LMO7: variants seen among roughly 807,000 people sequenced by gnomAD.
The protein encoded by LMO7 is LIM domain 7, also known as LIM domain only protein 7.
A neutral mutation model predicts 206.5 loss-of-function variants in LMO7; 120 were observed. That is an observed-to-expected ratio of 0.58 (90% CI 0.50 to 0.68). The LOEUF (loss-of-function observed/expected upper bound fraction) is 0.68. LMO7 is among the 30% of genes least tolerant of loss of function. LMO7 has a pLI of 0.00. For missense variants in LMO7, 1,959 were observed against 1,957.9 expected (o/e 1.00, Z -0.01); for synonymous variants, 706 against 681.5 (o/e 1.04, Z -0.56).
At chr13:75,775,524 TA>T (rs1239938071) in intron 4 of LMO7, among the ~76,000 whole-genome samples, 1 of 151,090 alleles carries the variant, frequency 6.6e-6, no homozygotes, top group Non-Finnish European at 1.5e-5. Context: ...AATAATAGAG[TA>T]AATGTATAAT....
chr13:75,766,421 C>T (rs2048894092), intron 4 of LMO7, among the ~76,000 whole-genome samples: 2 of 151,892 alleles, frequency 1.3e-5, no homozygotes, highest in South Asian at 4.2e-4. Flanking sequence ...GGCACTTCAT[C>T]CAGTAAGAGG....
rs2055421805 is a variant in LMO7, at chr13:75,806,058, T to C, written c.1196+298T>C. 6 of 1,138,812 alleles carry C rather than the reference T, an allele frequency of 5.3e-6. 1 individual carries two copies. In the South Asian group the frequency reaches 8.6e-5, roughly 16 times the overall value. The allele number at this position is 1,138,812 out of a possible 1,614,324, so 70.5% of individuals were successfully genotyped here. On this transcript the variant is annotated intron_variant, in intron 9 of 30. Transcript: ENST00000377534. ...CTTCTTTTCTTCATGTCACTCACAG[T>C]AGAAGGAATTCAGACTCTGAGGATG... is the stretch of plus-strand genomic sequence containing the variant.
intron 4 of LMO7, among the ~76,000 whole-genome samples, chr13:75,764,611 A>G (rs928456396): frequency 1.3e-5 from 2 of 152,160 alleles, no homozygotes; most frequent in Non-Finnish European, 2.9e-5. Context: ...TTTAACCATT[A>G]AAGGTTTTAA....
chr13:75,648,041 G>T (rs2037210333), intron 1 of LMO7, among the ~76,000 whole-genome samples: 1 of 135,282 alleles, frequency 7.4e-6, no homozygotes, highest in African/African-American at 2.7e-5. Context: ...TTGAATTCCT[G>T]GGCTCAACTG....
chr13:75,792,815 C>A (rs1469973205), intron 4 of LMO7, among the ~76,000 whole-genome samples: 2 of 152,112 alleles, frequency 1.3e-5, no homozygotes, highest in African/African-American at 4.8e-5. Flanking sequence ...TGTATCATGT[C>A]CAAGAGCATG....
intron 1 of LMO7, among the ~76,000 whole-genome samples, chr13:75,669,370 ACCCCCCCG>A (rs1218777677): frequency 6.6e-6 from 1 of 150,784 alleles, no homozygotes; most frequent in Non-Finnish European, 1.5e-5. Flanking sequence ...CAGAAAAGTG[ACCCCCCCG>A]CCGCCCCGCC....
chr13:75,680,816 C>T (rs986701153), intron 1 of LMO7, among the ~76,000 whole-genome samples: 7 of 151,974 alleles, frequency 4.6e-5, no homozygotes, highest in South Asian at 2.1e-4. Context: ...TGAGAACATA[C>T]GGTGTTAGGT....
Position 75,811,214 on chromosome 13 carries a change from T to A in LMO7, c.1946+2031T>A, listed in dbSNP as rs539065869. 1.9e-4 allele frequency among the ~76,000 whole-genome samples: 29 copies of A among 150,320 alleles called. 1 individual carries two copies. The highest frequency in any genetic ancestry group is 7.0e-4 in the African/African-American group (29 of 41,192). On this transcript the variant is annotated intron_variant, in intron 11 of 30. Coordinates refer to ENST00000377534, the MANE Select transcript of LMO7 (RefSeq NM_001306080.2). ...TCTTTCTTTTTTTCTTTCTCTTTTT[T>A]TTTTTTTTTTTTAAGAGATGGAGTC...
intron 4 of LMO7, among the ~76,000 whole-genome samples, chr13:75,780,478 T>C (rs2051160546): frequency 3.3e-5 from 5 of 152,218 alleles, no homozygotes; most frequent in South Asian, 4.1e-4. Flanking sequence ...AGTCAGACTT[T>C]ATGGTTATCT....
chr13:75,699,208 G>A (rs1180290714), intron 1 of LMO7, among the ~76,000 whole-genome samples: 1 of 152,146 alleles, frequency 6.6e-6, no homozygotes, highest in Non-Finnish European at 1.5e-5. Flanking sequence ...GTAGGTGCCT[G>A]AAACTGAGGA....
intron 4 of LMO7, among the ~76,000 whole-genome samples, chr13:75,786,676 C>A (rs932155531): frequency 6.6e-6 from 1 of 152,124 alleles, no homozygotes; most frequent in Non-Finnish European, 1.5e-5. Context: ...TGAGCCACCG[C>A]GCCCGGCCTC....
chr13:75,724,641 A>C (rs2044311097), intron 2 of LMO7, among the ~76,000 whole-genome samples: 2 of 152,140 alleles, frequency 1.3e-5, no homozygotes, highest in South Asian at 4.1e-4. Context: ...GGCAGACTTA[A>C]ATTTCACAGA....
At chr13:75,704,127 G>A (rs969577199) in intron 1 of LMO7, among the ~76,000 whole-genome samples, 17 of 152,190 alleles carry the variant, frequency 1.1e-4, no homozygotes, top group Non-Finnish European at 2.1e-4. Flanking sequence ...CAGCTTTAGA[G>A]AAGGCATCCA....
chr13:75,651,905 CTACT>C (rs943633691), intron 1 of LMO7, among the ~76,000 whole-genome samples: 1 of 152,096 alleles, frequency 6.6e-6, no homozygotes, highest in African/African-American at 2.4e-5. Flanking sequence ...CTAAATATTT[CTACT>C]TACTTGTCAT....
At chr13:75,811,314 G>A (rs2056372579) in intron 11 of LMO7, among the ~76,000 whole-genome samples, 1 of 150,788 alleles carries the variant, frequency 6.6e-6, no homozygotes, top group Admixed American at 6.6e-5. Flanking sequence ...CAAAGTGTTA[G>A]GATTACAGAT....
intron 4 of LMO7, among the ~76,000 whole-genome samples, chr13:75,776,689 T>C (rs1304158795): frequency 1.3e-5 from 2 of 152,170 alleles, no homozygotes; most frequent in Non-Finnish European, 2.9e-5. Context: ...ACAATTCTAA[T>C]CGAGGTAATA....
chr13:75,805,821 T>TGA, intron 9 of LMO7, 61 bp downstream of exon 9: 1 of 1,498,476 alleles, frequency 6.7e-7, no homozygotes, highest in Non-Finnish European at 9.1e-7. Flanking sequence ...GCTGGGGTTC[T>TGA]ATGTGCATGT....
chr13:75,711,756 C>A (rs911714961), intron 1 of LMO7, among the ~76,000 whole-genome samples: 15 of 152,212 alleles, frequency 9.9e-5, no homozygotes, highest in Non-Finnish European at 2.9e-5. Context: ...TGGCTCCACC[C>A]CCTACATTTT....
In LMO7 at chr13:75,626,576, A is replaced by ATAT. The variant is rs1566249065; in HGVS notation, c.225+3257_225+3258insATT. Among the ~76,000 whole-genome samples the ATAT allele has an allele frequency of 5.8e-3, 376 of 64,380 alleles. 29 individuals are homozygous for ATAT. The highest frequency in any genetic ancestry group is 0.029 in the East Asian group (72 of 2,464). 42.2% of individuals were successfully genotyped at this position (64,380 alleles called of 152,430 possible). ...TATTGTCTACCCTCTTAACATATAT[A>ATAT]TTATATATATATATATAAATTTTTT... is the stretch of plus-strand genomic sequence containing the variant. On this transcript the variant is annotated intron_variant, in intron 2 of 29. Transcript: ENST00000341547.
Sources: allele counts gnomAD v4.1 joint callset (sites outside exome capture counted in the v4.1 genomes callset), GRCh38; gene constraint gnomAD v4.1.1; transcripts MANE v1.5; gene names NCBI Gene and HGNC (gene_info 2026-07-23, HGNC 2026-07-21).